Variants in TENM2 observed in about 807,000 individuals in gnomAD.
TENM2 encodes the protein teneurin-2.
TENM2 carries 52 observed loss-of-function variants against 245.2 expected under a neutral mutation model. The ratio of observed to expected loss-of-function variants is 0.21; its 90% CI spans 0.17 to 0.27. TENM2 has a LOEUF of 0.27. Ranked by LOEUF, TENM2 falls within the 10% of genes least tolerant of loss-of-function variation. TENM2 has a pLI of 1.00. For synonymous variants in TENM2, 1,363 were observed against 1,438.9 expected (o/e 0.95, Z 1.19); for missense variants, 3,046 against 3,666.8 (o/e 0.83, Z 4.37).
chr5:167,868,220 C>T (rs1209736611), intron 2 of TENM2, among the ~76,000 whole-genome samples: 1 of 152,094 alleles, frequency 6.6e-6, no homozygotes, highest in African/African-American at 2.4e-5. Context: ...AAGCCAGTAG[C>T]ACCCCAACCA....
Position 168,141,459 on chromosome 5 carries a change from T to C in TENM2, c.2422+14493T>C, listed in dbSNP as rs935078805. Among the ~76,000 whole-genome samples the C allele has an allele frequency of 2.0e-5, 3 of 152,178 alleles. No individual in the cohort carries two copies. The South Asian group carries it at 6.2e-4, about 32-fold the overall frequency. ...CATTGGAACTACAAAGGCTGACATA[T>C]CTACCAGCTTCCCATCTGATCCCAC... On this transcript the variant is annotated intron_variant, in intron 12 of 28. Coordinates refer to ENST00000518659, the Ensembl canonical transcript of TENM2.
rs1354501959 is a variant in TENM2, at chr5:168,211,784, T to C, written c.3845+30T>C. ...GATGAAGAACTCTTTCCCATATAAT[T>C]TGATATGGTTCGTTTGCTTCCTTGT... On this transcript the variant is annotated intron_variant, in intron 20 of 28. Coordinates refer to ENST00000518659, the Ensembl canonical transcript of TENM2. 5.4e-6 allele frequency: 7 copies of C among 1,305,462 alleles called. No homozygotes were observed. The East Asian group carries it at 1.5e-4, about 29-fold the overall frequency. 80.9% of individuals were successfully genotyped at this position (1,305,462 alleles called of 1,614,324 possible).
intron 1 of TENM2, among the ~76,000 whole-genome samples, chr5:167,352,509 G>A (rs1758982597): frequency 6.6e-6 from 1 of 152,066 alleles, no homozygotes; most frequent in South Asian, 2.1e-4. Context: ...CTTTTTGGAA[G>A]ACATTTATTT....
At chr5:167,688,864 T>C (rs1360401682) in intron 2 of TENM2, among the ~76,000 whole-genome samples, 2 of 152,240 alleles carry the variant, frequency 1.3e-5, no homozygotes, top group African/African-American at 2.4e-5. Flanking sequence ...AAATGGTTAA[T>C]GACACATCTG....
rs746504405 is a variant in TENM2, at chr5:167,461,097, C to T, written c.502+85624C>T. ...CCATAGTACTATTTTAAGCATTATG[C>T]GTCAATATTGGTTTTTTGAGGTTTT... On this transcript the variant is annotated intron_variant, in intron 2 of 28. Coordinates refer to ENST00000518659, the Ensembl canonical transcript of TENM2. Among the ~76,000 whole-genome samples, 7 of 151,924 alleles carry T rather than the reference C, an allele frequency of 4.6e-5. No homozygotes were observed. The South Asian group carries it at 1.2e-3, about 27-fold the overall frequency.
rs748818613 is a variant in TENM2 at position 167,439,676 on chromosome 5, A to G, written c.502+64203A>G. 8.5e-5 allele frequency among the ~76,000 whole-genome samples: 13 copies of G among 152,204 alleles called. No individual in the cohort carries two copies. The South Asian group carries it at 1.0e-3, about 12-fold the overall frequency. On this transcript the variant is annotated intron_variant, in intron 2 of 28. Transcript: ENST00000518659. ...CAATGCACATAATAATACACTTTAC[A>G]TAATAGATTGGCATGTAGTAACTTT...
At chr5:167,894,462 C>T (rs113151942) in intron 3 of TENM2, among the ~76,000 whole-genome samples, 24 of 51,396 alleles carry the variant, frequency 4.7e-4, no homozygotes, top group African/African-American at 1.0e-3. Flanking sequence ...TCTCCCCACT[C>T]TGTGACTAGA....
At chr5:168,262,874 C>A in exon 29 of TENM2, 1 of 1,414,140 alleles carries the variant, frequency 7.1e-7, no homozygotes, top group Non-Finnish European at 9.6e-7. Flanking sequence ...ATCTCCTCTC[C>A]TAAGGAGATG....
the TENM2 span, among the ~76,000 whole-genome samples, chr5:167,031,549 C>T: frequency 2.0e-5 from 3 of 152,038 alleles, no homozygotes; most frequent in African/African-American, 7.3e-5. Flanking sequence ...CACATATTTC[C>T]TTGTATTCTG....
chr5:167,179,704 A>G, the TENM2 span, among the ~76,000 whole-genome samples: 1 of 152,114 alleles, frequency 6.6e-6, no homozygotes, highest in East Asian at 1.9e-4. Context: ...AGAGGACAAT[A>G]GAAGAAATTC....
At chr5:167,285,755 TC>T (rs1393019962) in intron 1 of TENM2, among the ~76,000 whole-genome samples, 2 of 152,340 alleles carry the variant, frequency 1.3e-5, no homozygotes, top group East Asian at 3.9e-4. Flanking sequence ...GTCTTACTAG[TC>T]CCAGCCTCGC....
At chr5:168,179,138 A>G (rs1359588250) in intron 13 of TENM2, among the ~76,000 whole-genome samples, 4 of 128,588 alleles carry the variant, frequency 3.1e-5, no homozygotes, top group Non-Finnish European at 5.5e-5. Flanking sequence ...CTGCCTGAAA[A>G]AAAAAAAAAA....
intron 2 of TENM2, among the ~76,000 whole-genome samples, chr5:167,836,868 C>T (rs970712922): frequency 1.3e-5 from 2 of 152,144 alleles, no homozygotes; most frequent in East Asian, 3.9e-4. Flanking sequence ...GGTTCTTTGA[C>T]TACTTTGCAT....
At chr5:168,041,588 A>C (rs1014969167) in intron 5 of TENM2, among the ~76,000 whole-genome samples, 11 of 152,200 alleles carry the variant, frequency 7.2e-5, no homozygotes, top group African/African-American at 2.2e-4. Context: ...AAAAGGAAGA[A>C]ATTTTCAATG....
intron 3 of TENM2, among the ~76,000 whole-genome samples, chr5:167,912,013 A>T (rs1776596322): frequency 6.6e-6 from 1 of 152,204 alleles, no homozygotes; most frequent in African/African-American, 2.4e-5. Flanking sequence ...TGTAGTCAGA[A>T]CACTTAAAAT....
intron 2 of TENM2, among the ~76,000 whole-genome samples, chr5:167,413,261 A>G (rs935667921): frequency 1.3e-5 from 2 of 152,116 alleles, no homozygotes; most frequent in Non-Finnish European, 2.9e-5. Context: ...TCAAGGAGGT[A>G]ATGTTAGTAT....
chr5:167,472,108 C>T lies in TENM2; in HGVS notation c.502+96635C>T, dbSNP rs80270879. Reference sequence around the variant, plus strand: ...CTGTTTTTCACTAGTCTCCCTTTAACTTCCAGAACAGACACTTCCTGCAAT... The same window carrying T: ...CTGTTTTTCACTAGTCTCCCTTTAATTTCCAGAACAGACACTTCCTGCAAT... On this transcript the variant is annotated intron_variant, in intron 2 of 28. Transcript: ENST00000518659. Among the ~76,000 whole-genome samples, 712 of 152,250 alleles carry T rather than the reference C, an allele frequency of 4.7e-3. 4 individuals are homozygous for T. Among genetic ancestry groups the T allele is most frequent in the African/African-American group, 0.016 (657 of 41,552 alleles).
the TENM2 span, among the ~76,000 whole-genome samples, chr5:167,103,186 G>A: frequency 4.0e-4 from 61 of 152,268 alleles, no homozygotes; most frequent in East Asian, 5.8e-4. Flanking sequence ...CAAGTCTTCC[G>A]CGGAACAGTC....
chr5:167,059,660 A>C, the TENM2 span, among the ~76,000 whole-genome samples: 1 of 152,134 alleles, frequency 6.6e-6, no homozygotes. Flanking sequence ...CTAGTTACTG[A>C]TAGTTATTTG....
Sources: allele counts gnomAD v4.1 joint callset (sites outside exome capture counted in the v4.1 genomes callset), GRCh38; gene constraint gnomAD v4.1.1; transcripts MANE v1.5; gene names NCBI Gene and HGNC (gene_info 2026-07-23, HGNC 2026-07-21).